The following CADM2 variants were observed in gnomAD, a reference collection of about 807,000 sequenced individuals.
The protein encoded by CADM2 is immunoglobulin superfamily member 4D.
Under a neutral mutation model 49.8 loss-of-function variants are expected in CADM2, and 12 were observed. The observed-to-expected ratio is 0.24, with a 90% confidence interval of 0.15 to 0.39. CADM2 has a LOEUF of 0.39. Among genes scored for constraint, CADM2 ranks in the 10% least tolerant of loss-of-function variants. CADM2 has a pLI of 1.00. For missense variants in CADM2, 378 were observed against 492.3 expected (o/e 0.77, Z 2.20); for synonymous variants, 214 against 175.4 (o/e 1.22, Z -1.74).
At position 86,013,719 on chromosome 3, in the gene CADM2, A is replaced by G. The variant is rs543132651; in HGVS notation, c.971-51886A>G. On this transcript the variant is annotated intron_variant, in intron 8 of 9. Transcript: ENST00000383699. The stretch of plus-strand genomic sequence containing the variant: ...ATCTCATAGCCTAAGAGAGGAATTT[A>G]TAGGTTTTCTGCCTTATGAAGCTGA... 229 of 1,597,296 alleles carry G rather than the reference A, an allele frequency of 1.4e-4. No individual in the cohort carries two copies. The African/African-American group carries it at 2.5e-3, about 17-fold the overall frequency.
chr3:85,716,133 G>C (rs996369971), intron 1 of CADM2, among the ~76,000 whole-genome samples: 3 of 152,188 alleles, frequency 2.0e-5, no homozygotes, highest in Non-Finnish European at 4.4e-5. Flanking sequence ...CAGTGTAAAA[G>C]TGTTCCTATT....
chr3:85,279,508 G>C (rs1015726660), intron 1 of CADM2, among the ~76,000 whole-genome samples: 7 of 151,124 alleles, frequency 4.6e-5, no homozygotes, highest in Non-Finnish European at 1.0e-4. Flanking sequence ...TTACATTTTT[G>C]TTATATTTAA....
chr3:85,499,632 T>C (rs934442529), intron 1 of CADM2, among the ~76,000 whole-genome samples: 1 of 152,156 alleles, frequency 6.6e-6, no homozygotes, highest in South Asian at 2.1e-4. Flanking sequence ...ATACTTCTTA[T>C]ACAGATGAAT....
intron 2 of CADM2, among the ~76,000 whole-genome samples, chr3:85,737,699 AGGC>A (rs375097036): frequency 6.6e-6 from 1 of 151,684 alleles, no homozygotes; most frequent in African/African-American, 2.4e-5. Context: ...CTGGGACTAC[AGGC>A]GCCCACCACC....
chr3:85,748,502 C>T (rs1029519489), intron 2 of CADM2, among the ~76,000 whole-genome samples: 6 of 152,010 alleles, frequency 3.9e-5, no homozygotes, highest in Admixed American at 6.6e-5. Flanking sequence ...TTCAGCTGAA[C>T]GCTCACTTAT....
intron 1 of CADM2, among the ~76,000 whole-genome samples, chr3:85,466,448 C>T (rs1208804442): frequency 3.3e-5 from 5 of 152,216 alleles, no homozygotes; most frequent in East Asian, 3.9e-4. Context: ...ATAAGACACA[C>T]GCTAAAAACG....
chr3:85,545,648 A>T (rs138455738), intron 1 of CADM2, among the ~76,000 whole-genome samples: 3 of 152,232 alleles, frequency 2.0e-5, no homozygotes, highest in South Asian at 2.1e-4. Context: ...GTCTTTTTTC[A>T]CATCTGTGTT....
chr3:85,583,810 AT>A (rs528883820), intron 1 of CADM2, among the ~76,000 whole-genome samples: 147 of 152,104 alleles, frequency 9.7e-4, no homozygotes, highest in African/African-American at 3.3e-3. Context: ...ATGAAATTAC[AT>A]TTTTTTAAAG....
intron 1 of CADM2, among the ~76,000 whole-genome samples, chr3:85,033,203 G>T (rs2035062360): frequency 1.3e-5 from 2 of 152,074 alleles, no homozygotes; most frequent in Admixed American, 1.3e-4. Flanking sequence ...CTAGTTGTGA[G>T]GACACTATTC....
chr3:85,302,561 T>C (rs1322858383), intron 1 of CADM2, among the ~76,000 whole-genome samples: 2 of 152,072 alleles, frequency 1.3e-5, no homozygotes, highest in Admixed American at 1.3e-4. Context: ...TTGTACACTT[T>C]CTCATTACGA....
chr3:85,986,501 T>C (rs1344677612), intron 8 of CADM2, among the ~76,000 whole-genome samples: 1 of 152,072 alleles, frequency 6.6e-6, no homozygotes, highest in Non-Finnish European at 1.5e-5. Flanking sequence ...ATTTGCACAA[T>C]GTTGTGAGCT....
At chr3:85,479,854 TATAGAAGTC>T (rs1306987901) in intron 1 of CADM2, among the ~76,000 whole-genome samples, 1 of 151,996 alleles carries the variant, frequency 6.6e-6, no homozygotes, top group Non-Finnish European at 1.5e-5. Context: ...CCAAATTTCT[TATAGAAGTC>T]TAGTTGAATT....
intron 1 of CADM2, among the ~76,000 whole-genome samples, chr3:85,627,481 A>C (rs2064162741): frequency 6.6e-6 from 1 of 152,026 alleles, no homozygotes; most frequent in Non-Finnish European, 1.5e-5. Context: ...TCTTTAGTGA[A>C]TGTTAGATAT....
chr3:85,916,267 C>A (rs1023634034), intron 6 of CADM2, among the ~76,000 whole-genome samples: 2 of 151,970 alleles, frequency 1.3e-5, no homozygotes, highest in African/African-American at 4.8e-5. Context: ...GTGTGCTGCA[C>A]CCATTAACTG....
intron 6 of CADM2, among the ~76,000 whole-genome samples, chr3:85,912,913 T>C (rs542822627): frequency 1.3e-5 from 2 of 152,312 alleles, no homozygotes; most frequent in Admixed American, 6.5e-5. Context: ...AACTTTATTT[T>C]ATGCAATTGT....
chr3:85,883,426 C>T lies in CADM2; in HGVS notation c.374C>T (p.Ala125Val). 6.2e-7 allele frequency: 1 copy of T among 1,613,586 alleles called. No homozygotes were observed. The highest frequency in any genetic ancestry group is 8.5e-7 in the Non-Finnish European group (1 of 1,179,660). ...LFTMPVKTSK[A>V]YLTVLGVPEK... ...ACAATGCCTGTCAAAACTTCCAAGG[C>T]ATATCTCACCGTTCTGGGTAAGTGC... is the stretch of plus-strand genomic sequence containing the variant. Residue 125 changes from alanine to valine, a missense_variant, in exon 4 of 10, where the codon GCA (alanine) becomes GTA (valine). Coordinates refer to ENST00000383699, the MANE Select transcript of CADM2 (RefSeq NM_001167675.2).
At chr3:85,858,121 A>G (rs1181725905) in intron 3 of CADM2, among the ~76,000 whole-genome samples, 1 of 152,216 alleles carries the variant, frequency 6.6e-6, no homozygotes, top group Admixed American at 6.5e-5. Context: ...GAAGCCTCAC[A>G]CAATATCTCT....
intron 3 of CADM2, among the ~76,000 whole-genome samples, chr3:85,878,082 A>C (rs1712188579): frequency 6.6e-6 from 1 of 152,152 alleles, no homozygotes; most frequent in Admixed American, 6.6e-5. Flanking sequence ...TATTCAGTTC[A>C]TGGAAAATCT....
intron 1 of CADM2, among the ~76,000 whole-genome samples, chr3:85,518,436 T>TTA (rs2060953577): frequency 6.6e-6 from 1 of 151,874 alleles, no homozygotes; most frequent in Middle Eastern, 3.2e-3. Context: ...TTTTTTTTTT[T>TTA]AAATCAAATC....
Sources: gnomAD v4.1 joint callset for allele counts (sites outside exome capture counted in the v4.1 genomes callset) on GRCh38, gnomAD v4.1.1 for gene constraint, MANE v1.5 for transcripts, NCBI Gene and HGNC (gene_info 2026-07-23, HGNC 2026-07-21) for gene names.